The following PLCL1 variants were observed in gnomAD, a reference collection of about 807,000 sequenced individuals.
PLCL1 encodes the protein phospholipase C like 1 (inactive), also known as inactive phospholipase C-like protein 1.
Under a neutral mutation model 84.4 loss-of-function variants are expected in PLCL1, and 41 were observed. The ratio of observed to expected loss-of-function variants is 0.49; its 90% CI spans 0.38 to 0.63. The LOEUF is 0.63. Among genes scored for constraint, PLCL1 ranks in the 30% least tolerant of loss-of-function variants. PLCL1 has a pLI of 0.00. For missense variants in PLCL1, 1,206 were observed against 1,367.8 expected (o/e 0.88, Z 1.87); for synonymous variants, 490 against 488.3 (o/e 1.00, Z -0.05).
At chr2:197,886,443 A>AAAAAAAAAAAAAAAAAAAT in intron 1 of PLCL1, among the ~76,000 whole-genome samples, 1 of 120,898 alleles carries the variant, frequency 8.3e-6, no homozygotes, top group Non-Finnish European at 1.7e-5. Context: ...AAAAAAAAAA[A>AAAAAAAAAAAAAAAAAAAT]AAAAAAAAAG....
chr2:198,025,542 G>T (rs1214557083), intron 1 of PLCL1, among the ~76,000 whole-genome samples: 1 of 152,092 alleles, frequency 6.6e-6, no homozygotes, highest in African/African-American at 2.4e-5. Flanking sequence ...TATTTCCCAA[G>T]TGGCTGATCA....
chr2:197,888,018 G>A (rs1305194563), intron 1 of PLCL1, among the ~76,000 whole-genome samples: 2 of 151,860 alleles, frequency 1.3e-5, no homozygotes, highest in Non-Finnish European at 2.9e-5. Context: ...TTTGAGCCTG[G>A]AAGGTTGAAG....
intron 3 of PLCL1, among the ~76,000 whole-genome samples, chr2:198,092,922 T>C (rs902018160): frequency 6.6e-6 from 1 of 152,160 alleles, no homozygotes; most frequent in Non-Finnish European, 1.5e-5. Flanking sequence ...GTAAAAACAA[T>C]AAATAAAAGC....
intron 1 of PLCL1, among the ~76,000 whole-genome samples, chr2:197,972,690 A>G (rs1343591188): frequency 6.6e-6 from 1 of 152,224 alleles, no homozygotes; most frequent in Non-Finnish European, 1.5e-5. Context: ...GTTTAGATGT[A>G]AAAAGTGCTA....
intron 1 of PLCL1, among the ~76,000 whole-genome samples, chr2:198,030,154 C>T (rs1272635635): frequency 3.9e-5 from 6 of 152,064 alleles, no homozygotes; most frequent in Admixed American, 3.9e-4. Context: ...TTTTTCCCTC[C>T]TCCCACCCTT....
rs753631494 is a variant in PLCL1, at chr2:198,084,467, AT to A, written c.953del (p.Phe318SerfsTer22). The A allele has an allele frequency of 1.2e-6, 2 of 1,613,904 alleles. No homozygotes were observed. Among genetic ancestry groups the A allele is most frequent in the Non-Finnish European group, 8.5e-7 (1 of 1,179,892 alleles). ...GAACTTTGCACCAGGCCAGAAGTGT[AT>A]TTCTTACTTGTACAGATATCTAAAA... ...FCELCTRPEV[Y>X]FLLVQISKNK... On this transcript the variant is annotated frameshift_variant, in exon 2 of 6. Transcript: ENST00000428675. LOFTEE classifies it high-confidence loss of function.
At chr2:197,891,148 T>C (rs1416168391) in intron 1 of PLCL1, among the ~76,000 whole-genome samples, 1 of 152,042 alleles carries the variant, frequency 6.6e-6, no homozygotes, top group African/African-American at 2.4e-5. Flanking sequence ...ATACATAGCA[T>C]GCATCTCCTA....
At chr2:197,946,772 A>G (rs1343517106) in intron 1 of PLCL1, among the ~76,000 whole-genome samples, 2 of 152,200 alleles carry the variant, frequency 1.3e-5, no homozygotes, top group Admixed American at 1.3e-4. Flanking sequence ...CCAGCTGTGC[A>G]TTAGTCACAG....
At chr2:198,143,470 A>G (rs1694437040) in intron 5 of PLCL1, among the ~76,000 whole-genome samples, 1 of 152,214 alleles carries the variant, frequency 6.6e-6, no homozygotes, top group African/African-American at 2.4e-5. Context: ...TTTGGAGGAA[A>G]TGATACACAG....
chr2:197,926,405 A>C (rs921498873), intron 1 of PLCL1, among the ~76,000 whole-genome samples: 3 of 152,148 alleles, frequency 2.0e-5, no homozygotes, highest in Admixed American at 6.5e-5. Flanking sequence ...TTCCCTTAGA[A>C]CCTTTCCATG....
At chr2:197,870,912 A>T (rs1450651614) in intron 1 of PLCL1, among the ~76,000 whole-genome samples, 6 of 152,034 alleles carry the variant, frequency 3.9e-5, no homozygotes, top group Non-Finnish European at 1.5e-5. Flanking sequence ...CCTTACCCTG[A>T]TCATTCCAAT....
intron 1 of PLCL1, among the ~76,000 whole-genome samples, chr2:197,922,653 AC>A (rs1196080467): frequency 2.4e-5 from 3 of 125,536 alleles, no homozygotes; most frequent in Non-Finnish European, 3.4e-5. Flanking sequence ...TGACCCCCCC[AC>A]CCCCCCACCT....
intron 1 of PLCL1, among the ~76,000 whole-genome samples, chr2:198,051,904 CATTATT>C (rs908782837): frequency 2.0e-5 from 3 of 149,924 alleles, no homozygotes; most frequent in Non-Finnish European, 3.0e-5. Flanking sequence ...AGCTAATTAT[CATTATT>C]ATTATTATTA....
intron 1 of PLCL1, among the ~76,000 whole-genome samples, chr2:197,915,569 A>C (rs1178264767): frequency 6.6e-6 from 1 of 150,650 alleles, no homozygotes; most frequent in African/African-American, 2.4e-5. Context: ...TGAGATTCCC[A>C]GTTCAGTGGT....
chr2:198,023,764 T>A (rs531433328), intron 1 of PLCL1, among the ~76,000 whole-genome samples: 1 of 152,310 alleles, frequency 6.6e-6, no homozygotes, highest in East Asian at 1.9e-4. Flanking sequence ...CAGGAGAGGC[T>A]GTGGAGAAAT....
intron 1 of PLCL1, among the ~76,000 whole-genome samples, chr2:198,072,777 T>A (rs2105886689): frequency 6.6e-6 from 1 of 152,276 alleles, no homozygotes; most frequent in East Asian, 1.9e-4. Flanking sequence ...TGAATTACAT[T>A]GATGGACTGT....
chr2:198,147,006 T>C lies in PLCL1; in HGVS notation c.*44T>C. On this transcript the variant is annotated 3_prime_UTR_variant, in exon 6 of 6. Transcript: ENST00000428675. The stretch of plus-strand genomic sequence containing the variant: ...CGTTCACCCATCTTATCAAGGACTC[T>C]GGTTTCTCATTCTTGTTTTCTTTCT... 6.8e-7 allele frequency: 1 copy of C among 1,466,590 alleles called. No homozygotes were observed. The allele number at this position is 1,466,590 out of a possible 1,614,324, so 90.8% of individuals were successfully genotyped here. A position where few individuals can be genotyped will look rare whatever the true frequency, so the allele number is the denominator to read the frequency against.
chr2:197,982,176 A>C (rs1006683848), intron 1 of PLCL1, among the ~76,000 whole-genome samples: 2 of 151,212 alleles, frequency 1.3e-5, no homozygotes, highest in African/African-American at 4.8e-5. Context: ...TTATTAAAAG[A>C]GACGAATTTT....
In PLCL1 at chr2:198,085,851, T is replaced by C. The variant is rs1692864133; in HGVS notation, c.2334T>C (p.Phe778=). The C allele has an allele frequency of 1.9e-6, 3 of 1,614,178 alleles. No individual in the cohort carries two copies. The Admixed American group carries it at 5.0e-5, about 27-fold the overall frequency. Residue 778 remains phenylalanine (F), a synonymous_variant, in exon 2 of 6, where the codon TTT becomes TTC. Transcript: ENST00000428675. The surrounding 1 kb of genome is among the most constrained non-coding windows in gnomAD (Gnocchi z 5.3). ...AGCAAAACAGTGATAATCCTATTTT[T>C]GATGAAACTTTTGAGTTCCAAGTAA... ...TVQQNSDNPI[F]DETFEFQVNL...
Sources: allele counts gnomAD v4.1 joint callset (sites outside exome capture counted in the v4.1 genomes callset), GRCh38; gene constraint gnomAD v4.1.1; non-coding constraint Gnocchi (gnomAD v3.1); transcripts MANE v1.5; gene names NCBI Gene and HGNC (gene_info 2026-07-23, HGNC 2026-07-21).